Variants in TTC28 observed in about 807,000 individuals in gnomAD.
The protein encoded by TTC28 is tetratricopeptide repeat protein 28.
A neutral mutation model predicts 198.0 loss-of-function variants in TTC28; 61 were observed. The observed-to-expected ratio is 0.31, with a 90% CI of 0.25 to 0.38. The LOEUF is 0.38. Ranked by LOEUF, TTC28 falls within the 10% of genes least tolerant of loss-of-function variation. The pLI, the probability that TTC28 is intolerant of heterozygous loss-of-function variation, is 1.00. For missense variants in TTC28, 2,678 were observed against 3,164.0 expected (o/e 0.85, Z 3.69); for synonymous variants, 1,171 against 1,297.8 (o/e 0.90, Z 2.10).
At position 28,101,360 on chromosome 22, in the gene TTC28, T is replaced by C. The variant is rs1403002257; in HGVS notation, c.3308-80A>G. ...CCTAAGGAGTCCTGAAGGGTCATTT[T>C]ACTTTTGTGTTTTTGTTTGTTTTGA... On this transcript the variant is annotated intron_variant, in intron 8 of 22. Coordinates refer to ENST00000397906, the MANE Select transcript of TTC28 (RefSeq NM_001145418.2). The C allele has an allele frequency of 1.2e-5, 15 of 1,207,810 alleles. No individual in the cohort carries two copies. In the African/African-American group the frequency reaches 2.2e-4, roughly 17 times the overall value. 74.8% of individuals were successfully genotyped at this position (1,207,810 alleles called of 1,614,324 possible). A position where few individuals can be genotyped will look rare whatever the true frequency, so the allele number is the denominator to read the frequency against.
In TTC28 at chr22:27,983,527, G is replaced by A. The variant is rs956579480; in HGVS notation, c.6140C>T (p.Pro2047Leu). 5 of 1,550,986 alleles carry A rather than the reference G, an allele frequency of 3.2e-6. No homozygotes were observed. The highest frequency in any genetic ancestry group is 3.5e-6 in the Non-Finnish European group (4 of 1,146,812). ...PRSQLPPQTR[P>L]AGNKDEEEYE... The stretch of plus-strand genomic sequence containing the variant: ...TTCTTCTTCATCTTTGTTGCCTGCA[G>A]GGCGGGTCTGGGGAGGCAGCTGGCT... The change falls in exon 23 of 23, where the codon CCT (proline) becomes CTT (leucine). Residue 2047 changes from proline to leucine, a missense_variant. Transcript: ENST00000397906.
At chr22:28,609,091 T>TA (rs1411717315) in intron 2 of TTC28, among the ~76,000 whole-genome samples, 3 of 152,118 alleles carry the variant, frequency 2.0e-5, no homozygotes, top group African/African-American at 7.2e-5. Flanking sequence ...AAAATCAAGA[T>TA]ACTGGACTTA....
chr22:28,135,815 A>G (rs1408047442), intron 6 of TTC28, among the ~76,000 whole-genome samples: 1 of 152,214 alleles, frequency 6.6e-6, no homozygotes, highest in Non-Finnish European at 1.5e-5. Context: ...TATTAGGGTC[A>G]TTTCAAAGGA....
intron 2 of TTC28, among the ~76,000 whole-genome samples, chr22:28,547,069 A>G (rs557376199): frequency 1.3e-5 from 2 of 152,318 alleles, no homozygotes; most frequent in East Asian, 3.9e-4. Flanking sequence ...ATAAATATAT[A>G]AATCTGATTG....
chr22:28,602,502 T>C (rs2050655580), intron 2 of TTC28, among the ~76,000 whole-genome samples: 1 of 152,116 alleles, frequency 6.6e-6, no homozygotes, highest in African/African-American at 2.4e-5. Context: ...TAGGGGGTGA[T>C]TGCACATCAT....
At chr22:28,382,194 C>A (rs1372994081) in intron 2 of TTC28, among the ~76,000 whole-genome samples, 1 of 152,098 alleles carries the variant, frequency 6.6e-6, no homozygotes, top group Non-Finnish European at 1.5e-5. Flanking sequence ...ATAAAGTAAA[C>A]CCTCATCCAA....
intron 1 of TTC28, among the ~76,000 whole-genome samples, chr22:28,677,150 C>T (rs1232020801): frequency 6.0e-5 from 5 of 83,332 alleles, no homozygotes; most frequent in African/African-American, 1.8e-4. Flanking sequence ...AGCAAGACTC[C>T]ATCTCAGGAA....
At chr22:28,235,121 A>G (rs1173722806) in intron 5 of TTC28, among the ~76,000 whole-genome samples, 1 of 152,226 alleles carries the variant, frequency 6.6e-6, no homozygotes, top group Non-Finnish European at 1.5e-5. Context: ...CAGAGTCACA[A>G]GAAATGTCAG....
chr22:28,536,381 T>C (rs1047676400), intron 2 of TTC28, among the ~76,000 whole-genome samples: 60 of 151,610 alleles, frequency 4.0e-4, no homozygotes, highest in Non-Finnish European at 7.1e-4. Context: ...TCCCAGCACT[T>C]TGGGAGGCCG....
intron 8 of TTC28, among the ~76,000 whole-genome samples, chr22:28,103,327 T>C (rs1303295937): frequency 6.6e-6 from 1 of 152,162 alleles, no homozygotes; most frequent in Admixed American, 6.5e-5. Context: ...ACCAGTGGTT[T>C]TATCCAGAGG....
intron 12 of TTC28, among the ~76,000 whole-genome samples, chr22:28,066,166 T>C (rs1026207903): frequency 4.6e-5 from 7 of 152,120 alleles, no homozygotes; most frequent in Admixed American, 1.3e-4. Flanking sequence ...CAAATAAAAA[T>C]TGTATATATT....
chr22:28,516,043 G>A (rs1322344400), intron 2 of TTC28, among the ~76,000 whole-genome samples: 1 of 151,912 alleles, frequency 6.6e-6, no homozygotes, highest in Non-Finnish European at 1.5e-5. Flanking sequence ...CTTCTCAGGA[G>A]GCTGAGGCAG....
chr22:28,047,946 G>A (rs181217320), intron 12 of TTC28, among the ~76,000 whole-genome samples: 1 of 152,188 alleles, frequency 6.6e-6, no homozygotes, highest in African/African-American at 2.4e-5. Flanking sequence ...TCCTTTCCTG[G>A]AATAAGCCTG....
intron 1 of TTC28, among the ~76,000 whole-genome samples, chr22:28,637,004 G>GTTTT (rs35849354): frequency 3.5e-4 from 34 of 97,324 alleles, no homozygotes; most frequent in East Asian, 3.4e-3. Flanking sequence ...CAGGTCTTCA[G>GTTTT]TTTTTTTTTT....
intron 3 of TTC28, 63 bp downstream of exon 3, chr22:28,306,433 T>C: frequency 6.6e-7 from 1 of 1,506,776 alleles, no homozygotes; most frequent in Non-Finnish European, 8.9e-7. Flanking sequence ...GCCTAAAGTC[T>C]TGGAAGGCTA....
chr22:28,130,087 C>T (rs1402766713), intron 6 of TTC28, among the ~76,000 whole-genome samples: 1 of 152,150 alleles, frequency 6.6e-6, no homozygotes, highest in Middle Eastern at 3.2e-3. Context: ...GACTTTATAG[C>T]AAGCTTAAAA....
At chr22:28,127,364 G>A (rs1942943364) in intron 6 of TTC28, among the ~76,000 whole-genome samples, 1 of 152,104 alleles carries the variant, frequency 6.6e-6, no homozygotes, top group African/African-American at 2.4e-5. Context: ...ATAAAGCCTG[G>A]GGAACACAGC....
chr22:28,639,542 A>T (rs1176009751), intron 1 of TTC28, among the ~76,000 whole-genome samples: 1 of 152,168 alleles, frequency 6.6e-6, no homozygotes, highest in Non-Finnish European at 1.5e-5. Flanking sequence ...GAGGGATTCC[A>T]TGGAAGGTAA....
chr22:28,164,088 G>A (rs974132280), intron 5 of TTC28, among the ~76,000 whole-genome samples: 2 of 152,204 alleles, frequency 1.3e-5, no homozygotes, highest in Non-Finnish European at 1.5e-5. Flanking sequence ...GCGGAAGCGA[G>A]GCTGGGGGAG....
Sources: allele counts gnomAD v4.1 joint callset (sites outside exome capture counted in the v4.1 genomes callset), GRCh38; gene constraint gnomAD v4.1.1; transcripts MANE v1.5; gene names NCBI Gene and HGNC (gene_info 2026-07-23, HGNC 2026-07-21).